Variants in DGKB observed in about 807,000 individuals in gnomAD.
The protein encoded by DGKB is 90 kDa diacylglycerol kinase.
A neutral mutation model predicts 114.3 loss-of-function variants in DGKB; 67 were observed. The observed-to-expected ratio is 0.59, with a 90% CI of 0.48 to 0.72. The LOEUF is 0.72. DGKB is among the 30% of genes least tolerant of loss of function. The pLI is 0.00. For missense variants in DGKB, 907 were observed against 975.2 expected, an observed-to-expected ratio of 0.93 and a Z score of 0.93; for synonymous variants, 398 against 323.1, an observed-to-expected ratio of 1.23 and a Z score of -2.49.
intron 19 of DGKB, among the ~76,000 whole-genome samples, chr7:14,580,213 C>A (rs1264945313): frequency 6.6e-6 from 1 of 152,174 alleles, no homozygotes; most frequent in African/African-American, 2.4e-5. Context: ...GAAGTTCACA[C>A]CCAGCTTTAC....
intron 20 of DGKB, among the ~76,000 whole-genome samples, chr7:14,563,239 G>T (rs780405651): frequency 1.3e-5 from 2 of 152,130 alleles, no homozygotes; most frequent in Non-Finnish European, 2.9e-5. Flanking sequence ...TATAAATTAC[G>T]TAGTCTTGGG....
chr7:14,742,279 A>G (rs1338526321), intron 4 of DGKB, among the ~76,000 whole-genome samples: 1 of 152,152 alleles, frequency 6.6e-6, no homozygotes, highest in East Asian at 1.9e-4. Flanking sequence ...GGCAAATGAA[A>G]AATCTTACAA....
intron 23 of DGKB, among the ~76,000 whole-genome samples, chr7:14,279,547 A>T (rs1346347914): frequency 6.6e-6 from 1 of 152,214 alleles, no homozygotes; most frequent in African/African-American, 2.4e-5. Context: ...TTCTGGGTTG[A>T]AAATTCTTTT....
intron 2 of DGKB, among the ~76,000 whole-genome samples, chr7:14,811,456 TGCTTTTAAACATTG>T (rs1452395797): frequency 7.2e-5 from 11 of 152,318 alleles, no homozygotes; most frequent in African/African-American, 2.6e-4. Flanking sequence ...AAAGATTACA[TGCTTTTAAACATTG>T]GCTTTTCTAG....
In DGKB at chr7:14,345,519, T is replaced by C; in HGVS notation, c.1836-128A>G. The C allele has an allele frequency of 5.5e-6, 3 of 549,274 alleles. No homozygotes were observed. In the South Asian group the frequency reaches 7.1e-5, roughly 13 times the overall value. 34.0% of individuals were successfully genotyped at this position (549,274 alleles called of 1,614,324 possible). A position where few individuals can be genotyped will look rare whatever the true frequency, so the allele number is the denominator to read the frequency against. On this transcript the variant is annotated intron_variant, in intron 21 of 25. Coordinates refer to ENST00000402815, the MANE Select transcript of DGKB (RefSeq NM_001350709.2). ...AGGACATGTGACATCTAAAATGTAA[T>C]AGATGGTCATATAATTTTCAAAGCT...
intron 2 of DGKB, among the ~76,000 whole-genome samples, chr7:14,788,183 G>A (rs1259962950): frequency 6.6e-6 from 1 of 152,188 alleles, no homozygotes; most frequent in African/African-American, 2.4e-5. Flanking sequence ...CCATGGCATT[G>A]CCCTGATACA....
intron 23 of DGKB, among the ~76,000 whole-genome samples, chr7:14,279,773 C>A (rs937603153): frequency 3.3e-5 from 5 of 149,890 alleles, no homozygotes; most frequent in Non-Finnish European, 7.4e-5. Context: ...CTGCAGGGTA[C>A]TCCAACAGAC....
intron 21 of DGKB, 28 bp from the exon 22 acceptor site, chr7:14,345,419 A>G: frequency 8.1e-7 from 1 of 1,228,388 alleles, no homozygotes; most frequent in South Asian, 1.3e-5. Flanking sequence ...GAAGCACCTT[A>G]GGCAATTATC....
chr7:14,210,975 C>A (rs1787680979), intron 23 of DGKB, among the ~76,000 whole-genome samples: 1 of 152,014 alleles, frequency 6.6e-6, no homozygotes, highest in African/African-American at 2.4e-5. Flanking sequence ...GATCCACTTG[C>A]AATCCTCTTC....
At chr7:14,672,821 C>G in intron 13 of DGKB, 108 bp downstream of exon 13, 1 of 610,452 alleles carries the variant, frequency 1.6e-6, no homozygotes, top group Non-Finnish European at 2.9e-6. Flanking sequence ...GATCTATATA[C>G]TTCTACCTTG....
At chr7:14,537,003 T>C (rs1360262747) in intron 20 of DGKB, among the ~76,000 whole-genome samples, 1 of 152,116 alleles carries the variant, frequency 6.6e-6, no homozygotes, top group Non-Finnish European at 1.5e-5. Flanking sequence ...GAAAAAGCAG[T>C]TGCATTTCTA....
chr7:14,225,718 A>ATAGT (rs901479921), intron 23 of DGKB, among the ~76,000 whole-genome samples: 7 of 151,130 alleles, frequency 4.6e-5, no homozygotes, highest in African/African-American at 1.7e-4. Context: ...TTAAAAAGTG[A>ATAGT]TAGAGATTTA....
chr7:14,486,208 A>C (rs1783782935), intron 20 of DGKB, among the ~76,000 whole-genome samples: 1 of 152,176 alleles, frequency 6.6e-6, no homozygotes, highest in African/African-American at 2.4e-5. Context: ...CCATTCAGGA[A>C]GGGCCCCTTG....
chr7:14,619,445 A>C (rs117885146), intron 15 of DGKB, among the ~76,000 whole-genome samples: 3 of 151,662 alleles, frequency 2.0e-5, no homozygotes, highest in Non-Finnish European at 4.4e-5. Context: ...AAAACACTGC[A>C]TGTACTATTT....
intron 21 of DGKB, among the ~76,000 whole-genome samples, chr7:14,379,525 C>T (rs1000925853): frequency 2.0e-5 from 3 of 151,592 alleles, no homozygotes; most frequent in African/African-American, 7.3e-5. Context: ...TAGTGGATGA[C>T]TTCAGCTGGC....
intron 23 of DGKB, among the ~76,000 whole-genome samples, chr7:14,276,137 G>C (rs1024885080): frequency 1.3e-5 from 2 of 152,084 alleles, no homozygotes; most frequent in Non-Finnish European, 2.9e-5. Flanking sequence ...ACTTAGCACA[G>C]TTCCATGTAA....
At chr7:14,269,131 T>C (rs903424550) in intron 23 of DGKB, 4 of 152,278 alleles carry the variant, frequency 2.6e-5, no homozygotes, top group African/African-American at 9.6e-5. Flanking sequence ...CCTTAGCTCC[T>C]TGCCATGCTG....
At chr7:14,213,278 A>G (rs900265698) in intron 23 of DGKB, among the ~76,000 whole-genome samples, 1 of 151,836 alleles carries the variant, frequency 6.6e-6, no homozygotes, top group Non-Finnish European at 1.5e-5. Flanking sequence ...GCGCTTTCTC[A>G]TTTTTTCTGT....
intron 23 of DGKB, among the ~76,000 whole-genome samples, chr7:14,260,571 C>T (rs1796621881): frequency 6.6e-6 from 1 of 152,142 alleles, no homozygotes; most frequent in Non-Finnish European, 1.5e-5. Flanking sequence ...GGCATTATTG[C>T]AACTAATAAA....
Sources: gnomAD v4.1 joint callset for allele counts (sites outside exome capture counted in the v4.1 genomes callset) on GRCh38, gnomAD v4.1.1 for gene constraint, MANE v1.5 for transcripts, NCBI Gene and HGNC (gene_info 2026-07-23, HGNC 2026-07-21) for gene names.